Variants in MAP4K4 observed in about 807,000 individuals in gnomAD.
The protein encoded by MAP4K4 is mitogen-activated protein kinase kinase kinase kinase 4, also known as HPK/GCK-like kinase HGK.
A neutral mutation model predicts 189.6 loss-of-function variants in MAP4K4; 38 were observed. That is an observed-to-expected ratio of 0.20 (90% CI 0.15 to 0.26). The LOEUF (loss-of-function observed/expected upper bound fraction) is 0.26. Among genes scored for constraint, MAP4K4 ranks in the 10% least tolerant of loss-of-function variants. MAP4K4 has a pLI of 1.00. For missense variants in MAP4K4, 1,054 were observed against 1,726.9 expected (o/e 0.61, Z 6.91); for synonymous variants, 610 against 624.3 (o/e 0.98, Z 0.34).
chr2:101,737,445 ATATATATATATATATATTTTTT>A (rs1254779200), intron 2 of MAP4K4, among the ~76,000 whole-genome samples: 91 of 33,746 alleles, frequency 2.7e-3, no homozygotes, highest in African/African-American at 0.011. Context: ...ATATATATAT[ATATATATATATATATATTTTTT>A]TTTTTTTTTT....
At chr2:101,816,884 C>T (rs1243369518) in intron 3 of MAP4K4, among the ~76,000 whole-genome samples, 3 of 152,064 alleles carry the variant, frequency 2.0e-5, no homozygotes, top group Non-Finnish European at 1.5e-5. Context: ...CAGTGACCCT[C>T]GAGCAGCAAG....
intron 2 of MAP4K4, among the ~76,000 whole-genome samples, chr2:101,740,773 A>C (rs1056619517): frequency 3.9e-5 from 6 of 152,120 alleles, no homozygotes; most frequent in African/African-American, 4.8e-5. Flanking sequence ...TGAAAAAAAA[A>C]CCTTATTTTT....
intron 2 of MAP4K4, among the ~76,000 whole-genome samples, chr2:101,746,808 G>A (rs1306729560): frequency 2.0e-5 from 3 of 152,026 alleles, no homozygotes; most frequent in African/African-American, 4.8e-5. Context: ...AGGTAGGTAG[G>A]TTTTGTCTTC....
chr2:101,722,054 A>G (rs1014672719), intron 2 of MAP4K4, among the ~76,000 whole-genome samples: 2 of 152,122 alleles, frequency 1.3e-5, no homozygotes, highest in African/African-American at 2.4e-5. Flanking sequence ...CAATAGAGGA[A>G]GATAGTAGGA....
rs924728661 is a variant in MAP4K4 at position 101,825,198 on chromosome 2, A to G, written c.307-121A>G. The G allele has an allele frequency of 2.0e-5, 12 of 590,946 alleles. No homozygotes were observed. The Admixed American group carries it at 3.6e-4, about 18-fold the overall frequency. The allele number at this position is 590,946 out of a possible 1,614,324, so 36.6% of individuals were successfully genotyped here. ...GTTATTTAGGTGCCTCCAAATTATTATGAATTATTGAGGAGCATCACGTTT... is the reference window on the plus strand; with the variant it reads ...GTTATTTAGGTGCCTCCAAATTATTGTGAATTATTGAGGAGCATCACGTTT... On this transcript the variant is annotated intron_variant, in intron 4 of 32. Transcript: ENST00000324219.
chr2:101,698,036 CA>C (rs2035230066), exon 1 of MAP4K4: 1 of 1,277,122 alleles, frequency 7.8e-7, no homozygotes, highest in Non-Finnish European at 1.0e-6. Flanking sequence ...CACAGAGCGA[CA>C]GAGACATTTA....
chr2:101,870,926 A>C lies in MAP4K4; in HGVS notation c.2760+511A>C, dbSNP rs116652821. On this transcript the variant is annotated intron_variant, in intron 23 of 32. Transcript: ENST00000324219. ...TATGTTCCAAAATGTTAGTTTTCTCACTTGTTGAATAATTAAATGTGTGCC... is the reference window on the plus strand; with the variant it reads ...TATGTTCCAAAATGTTAGTTTTCTCCCTTGTTGAATAATTAAATGTGTGCC... 3.0e-3 allele frequency among the ~76,000 whole-genome samples: 461 copies of C among 152,288 alleles called. 4 individuals carry two copies. The highest frequency in any genetic ancestry group is 0.011 in the African/African-American group (447 of 41,550).
intron 2 of MAP4K4, among the ~76,000 whole-genome samples, chr2:101,758,497 G>A (rs11123901): frequency 0.68 from 103,419 of 151,964 alleles, 35,174 homozygotes; most frequent in East Asian, 0.77. Flanking sequence ...AGGAGGAGCA[G>A]TTTTTCCTAT....
intron 14 of MAP4K4, 57 bp downstream of exon 14, chr2:101,859,139 A>G (rs752931420): frequency 8.7e-6 from 13 of 1,495,468 alleles, no homozygotes; most frequent in Admixed American, 5.2e-5. Context: ...TCCGTCCCCA[A>G]AGTTGAGCAA....
intron 3 of MAP4K4, among the ~76,000 whole-genome samples, chr2:101,817,002 AT>A (rs5832989): frequency 0.25 from 36,207 of 145,406 alleles, 5,135 homozygotes; most frequent in Non-Finnish European, 0.31. Context: ...CTAAACTCTT[AT>A]TTTTTTTTTT....
At chr2:101,889,949 A>G (rs898360869) in intron 32 of MAP4K4, among the ~76,000 whole-genome samples, 1 of 152,132 alleles carries the variant, frequency 6.6e-6, no homozygotes, top group Non-Finnish European at 1.5e-5. Flanking sequence ...CCTACAGATT[A>G]TCTCCCAAAT....
chr2:101,752,937 A>T (rs1462669142), intron 2 of MAP4K4, among the ~76,000 whole-genome samples: 1 of 152,228 alleles, frequency 6.6e-6, no homozygotes, highest in Non-Finnish European at 1.5e-5. Flanking sequence ...GTTCACGCAG[A>T]TAGTCATGGC....
intron 8 of MAP4K4, 144 bp from the exon 9 acceptor site, chr2:101,835,756 A>G: frequency 1.9e-6 from 1 of 528,674 alleles, no homozygotes; most frequent in Non-Finnish European, 3.5e-6. Flanking sequence ...CCTGGAGTTC[A>G]TAACTAGATG....
chr2:101,773,961 A>G (rs75527426), intron 2 of MAP4K4, among the ~76,000 whole-genome samples: 6,060 of 152,292 alleles, frequency 0.04, 313 homozygotes, highest in African/African-American at 0.11. Flanking sequence ...CCATTCGTCT[A>G]TTAATGGACA....
At chr2:101,783,890 C>A (rs2089172858) in intron 2 of MAP4K4, among the ~76,000 whole-genome samples, 1 of 152,216 alleles carries the variant, frequency 6.6e-6, no homozygotes, top group Non-Finnish European at 1.5e-5. Context: ...CTCATCCTTG[C>A]ATGTCTGCAG....
intron 2 of MAP4K4, among the ~76,000 whole-genome samples, chr2:101,712,217 T>C (rs1399802873): frequency 2.0e-5 from 3 of 152,098 alleles, no homozygotes; most frequent in African/African-American, 7.2e-5. Flanking sequence ...TTTTTTGAGA[T>C]GGAGTGTCGC....
intron 2 of MAP4K4, among the ~76,000 whole-genome samples, chr2:101,716,803 T>C (rs2048679557): frequency 6.6e-6 from 1 of 152,178 alleles, no homozygotes; most frequent in Non-Finnish European, 1.5e-5. Flanking sequence ...TGGTGTGACT[T>C]GGGTTGGCCG....
chr2:101,869,037 TAATAA>T (rs1185710144), intron 21 of MAP4K4, among the ~76,000 whole-genome samples: 2 of 152,136 alleles, frequency 1.3e-5, no homozygotes, highest in Non-Finnish European at 1.5e-5. Flanking sequence ...CAACTTTTAT[TAATAA>T]AATATTAAAC....
chr2:101,839,626 G>C (rs2096860690), intron 9 of MAP4K4, among the ~76,000 whole-genome samples, 193 bp from the exon 10 acceptor site: 2 of 152,308 alleles, frequency 1.3e-5, no homozygotes, highest in Middle Eastern at 3.4e-3. Context: ...CACTTAAACT[G>C]TGCTAAATTA....
Sources: gnomAD v4.1 joint callset for allele counts (sites outside exome capture counted in the v4.1 genomes callset) on GRCh38, gnomAD v4.1.1 for gene constraint, MANE v1.5 for transcripts, NCBI Gene and HGNC (gene_info 2026-07-23, HGNC 2026-07-21) for gene names.